Variants in TPO observed in about 807,000 individuals in gnomAD.
TPO encodes the protein thyroid microsomal antigen.
Under a neutral mutation model 96.9 loss-of-function variants are expected in TPO, and 78 were observed. That is an observed-to-expected ratio of 0.81 (90% CI 0.67 to 0.97). The LOEUF is 0.97. Ranked by LOEUF, TPO falls within the 50% of genes least tolerant of loss-of-function variation. TPO has a pLI of 0.00. For missense variants in TPO, 1,252 were observed against 1,274.8 expected (o/e 0.98, Z 0.27); for synonymous variants, 547 against 538.0 (o/e 1.02, Z -0.23).
chr2:1,477,829 G>T, intron 8 of TPO: 1 of 985,428 alleles, frequency 1.0e-6, no homozygotes, highest in Non-Finnish European at 1.2e-6. Flanking sequence ...TGCAGGGGCC[G>T]AAGGGTAACT....
chr2:1,501,546 C>T (rs1672875447), intron 13 of TPO, among the ~76,000 whole-genome samples: 1 of 152,224 alleles, frequency 6.6e-6, no homozygotes, highest in Non-Finnish European at 1.5e-5. Context: ...AAAAGCTATG[C>T]TCAAGTTCTA....
chr2:1,493,931 A>T lies in TPO; in HGVS notation c.1898A>T (p.Asp633Val). ...TTGTACAAGCATCCTGACAACATCG[A>T]TGTCTGGCTGGGAGGCTTAGCTGAA... ...LDLYKHPDNI[D>V]VWLGGLAENF... is the part of the protein sequence containing the mutation. The change falls in exon 11 of 17, where the codon GAT (aspartate) becomes GTT (valine). Residue 633 changes from aspartate (D) to valine (V), a missense_variant. Coordinates refer to ENST00000329066, the MANE Select transcript of TPO (RefSeq NM_001206744.2). The T allele has an allele frequency of 6.2e-7, 1 of 1,614,132 alleles. No individual in the cohort carries two copies. Among genetic ancestry groups the T allele is most frequent in the Non-Finnish European group, 8.5e-7 (1 of 1,180,028 alleles).
chr2:1,393,152 G>C (rs558937374), intron 1 of TPO, among the ~76,000 whole-genome samples: 196 of 152,320 alleles, frequency 1.3e-3, no homozygotes, highest in Non-Finnish European at 9.9e-4. Context: ...GCCTCAGGAA[G>C]CTTCCAATTG....
At chr2:1,393,183 G>A (rs746709770) in intron 1 of TPO, among the ~76,000 whole-genome samples, 3 of 152,314 alleles carry the variant, frequency 2.0e-5, no homozygotes, top group Admixed American at 6.5e-5. Flanking sequence ...CAGAGGGAGC[G>A]AGGCGTCTCA....
intron 15 of TPO, among the ~76,000 whole-genome samples, chr2:1,534,096 C>A: frequency 1.0e-5 from 1 of 98,676 alleles, no homozygotes; most frequent in Admixed American, 1.2e-4. Flanking sequence ...TGCAACCTCC[C>A]CAAAACGCCC....
At chr2:1,422,399 A>ACCTCG (rs1663843466) in intron 2 of TPO, among the ~76,000 whole-genome samples, 1 of 68,984 alleles carries the variant, frequency 1.4e-5, no homozygotes, top group Non-Finnish European at 3.0e-5. Flanking sequence ...GCGCTGGGCC[A>ACCTCG]TGGGGAGAGC....
intron 15 of TPO, among the ~76,000 whole-genome samples, chr2:1,517,882 G>A (rs1372557496): frequency 6.6e-6 from 1 of 152,232 alleles, no homozygotes; most frequent in Non-Finnish European, 1.5e-5. Flanking sequence ...GCCATGCCCA[G>A]GATACCTGCA....
chr2:1,429,004 A>G (rs949835), intron 3 of TPO, among the ~76,000 whole-genome samples: 42,292 of 152,030 alleles, frequency 0.28, 6,462 homozygotes, highest in African/African-American at 0.38. Flanking sequence ...GTTCATGACT[A>G]TATAGTACCT....
At chr2:1,476,926 G>A (rs12328004) in intron 7 of TPO, among the ~76,000 whole-genome samples, 160 bp from the exon 8 acceptor site, 5 of 151,642 alleles carry the variant, frequency 3.3e-5, no homozygotes, top group South Asian at 2.1e-4. Flanking sequence ...AAGCAGGCCG[G>A]GGGGGGAGGT....
chr2:1,466,325 C>A (rs181373973), intron 7 of TPO, among the ~76,000 whole-genome samples: 40 of 152,236 alleles, frequency 2.6e-4, no homozygotes, highest in African/African-American at 9.1e-4. Context: ...CATCTATGTT[C>A]ATCAGGGTTA....
chr2:1,512,472 C>T, intron 14 of TPO: 1 of 985,468 alleles, frequency 1.0e-6, no homozygotes, highest in Non-Finnish European at 1.2e-6. Flanking sequence ...GCTGTGCGCT[C>T]CGCGCTGCCT....
chr2:1,485,959 T>A (rs909336630), intron 9 of TPO, among the ~76,000 whole-genome samples: 6 of 152,210 alleles, frequency 3.9e-5, no homozygotes, highest in Non-Finnish European at 5.9e-5. Flanking sequence ...GGTGTTTTAG[T>A]CATGAAGTCC....
intron 1 of TPO, among the ~76,000 whole-genome samples, chr2:1,381,580 A>G (rs144498100): frequency 6.6e-6 from 1 of 152,372 alleles, no homozygotes; most frequent in Non-Finnish European, 1.5e-5. Flanking sequence ...GCAGGAACAC[A>G]GACCAAACCA....
intron 13 of TPO, among the ~76,000 whole-genome samples, chr2:1,497,494 G>A (rs1325775071): frequency 2.0e-5 from 3 of 152,166 alleles, no homozygotes; most frequent in Admixed American, 6.5e-5. Context: ...CTCTGGGTGC[G>A]ACTCCTGAGG....
intron 15 of TPO, among the ~76,000 whole-genome samples, chr2:1,524,222 T>A (rs1573541127): frequency 7.2e-6 from 1 of 138,508 alleles, no homozygotes; most frequent in African/African-American, 2.8e-5. Context: ...TCCACCCCAC[T>A]GTGTGCAACC....
chr2:1,483,242 A>G (rs1392097832), intron 8 of TPO, among the ~76,000 whole-genome samples: 1 of 152,192 alleles, frequency 6.6e-6, no homozygotes, highest in Non-Finnish European at 1.5e-5. Flanking sequence ...GCACAGGTGG[A>G]GCTGCTGAAC....
At chr2:1,409,948 C>T (rs1558249994), upstream of TPO, among the ~76,000 whole-genome samples, 3 of 14,110 alleles carry the variant, frequency 2.1e-4, no homozygotes, top group Non-Finnish European at 1.4e-4. Flanking sequence ...GGGGCAGGTG[C>T]GGTGGGGGGC....
intron 7 of TPO, among the ~76,000 whole-genome samples, chr2:1,469,417 A>T (rs545110523): frequency 7.6e-4 from 115 of 152,172 alleles, no homozygotes; most frequent in African/African-American, 2.7e-3. Flanking sequence ...CGTGATTAGT[A>T]CTCTCCCTGT....
At chr2:1,375,387 G>A (rs1180987370) in intron 1 of TPO, among the ~76,000 whole-genome samples, 1 of 152,052 alleles carries the variant, frequency 6.6e-6, no homozygotes, top group Non-Finnish European at 1.5e-5. Flanking sequence ...TTGAGAATGT[G>A]CCCGGAAAAA....
Sources: allele counts gnomAD v4.1 joint callset (sites outside exome capture counted in the v4.1 genomes callset), GRCh38; gene constraint gnomAD v4.1.1; transcripts MANE v1.5; gene names NCBI Gene and HGNC (gene_info 2026-07-23, HGNC 2026-07-21).